The following TMEM181 variants were observed in gnomAD, a reference collection of about 807,000 sequenced individuals.
TMEM181 encodes the protein G protein-coupled receptor 178.
Under a neutral mutation model 71.9 loss-of-function variants are expected in TMEM181, and 39 were observed. That is an observed-to-expected ratio of 0.54 (90% CI 0.42 to 0.71). The LOEUF (loss-of-function observed/expected upper bound fraction) is 0.71. Ranked by LOEUF, TMEM181 falls within the 30% of genes least tolerant of loss-of-function variation. The pLI is 0.00. For missense variants in TMEM181, 595 were observed against 583.0 expected (o/e 1.02, Z -0.21); for synonymous variants, 245 against 228.8 (o/e 1.07, Z -0.64).
In TMEM181 at chr6:158,583,935, TTTG is replaced by T. The variant is rs1200563374; in HGVS notation, c.169-16_169-14del. 1 of 1,581,130 alleles carries T rather than the reference TTTG, an allele frequency of 6.3e-7. No individual in the cohort carries two copies. Among genetic ancestry groups the T allele is most frequent in the East Asian group, 2.3e-5 (1 of 44,390 alleles). On this transcript the variant is annotated splice_polypyrimidine_tract_variant and intron_variant, in intron 3 of 16. Coordinates refer to ENST00000684151, the MANE Select transcript of TMEM181 (RefSeq NM_001376852.1). ...TCAATGAAAAGGTCACATGGATTAC[TTTG>T]TTTTTTTTTCTTCAGCTAAAGCCAA... is the stretch of plus-strand genomic sequence containing the variant.
intron 5 of TMEM181, 126 bp from the exon 6 acceptor site, chr6:158,589,546 T>G: frequency 1.5e-6 from 1 of 676,262 alleles, no homozygotes. Flanking sequence ...TCTCTGGGCT[T>G]TTGGCGAGTT....
At chr6:158,552,428 C>G (rs990661138) in intron 1 of TMEM181, among the ~76,000 whole-genome samples, 1 of 152,166 alleles carries the variant, frequency 6.6e-6, no homozygotes, top group Non-Finnish European at 1.5e-5. Context: ...CACAAGAAAA[C>G]TAATACATTG....
upstream of TMEM181, among the ~76,000 whole-genome samples, chr6:158,558,966 G>T (rs773063647): frequency 3.9e-5 from 6 of 152,118 alleles, no homozygotes; most frequent in Admixed American, 1.3e-4. Flanking sequence ...CTTTCCCTCT[G>T]CTTATGTATG....
chr6:158,631,337 G>C lies in TMEM181; in HGVS notation c.1297G>C (p.Asp433His). 3 of 1,614,252 alleles carry C rather than the reference G, an allele frequency of 1.9e-6. No homozygotes were observed. Among genetic ancestry groups the C allele is most frequent in the Non-Finnish European group, 2.5e-6 (3 of 1,180,046 alleles). The stretch of plus-strand genomic sequence containing the variant: ...TTGGTTTTCAGAGTCCCAGCTGAAA[G>C]ACAATCCTGCCTTCTCCATGCTGAA... ...KNALYESQLKDNPAFSMLNDS... is the reference protein window; with the variant it reads ...KNALYESQLKHNPAFSMLNDS... Residue 433 changes from aspartate to histidine, a missense_variant, in exon 16 of 17, where the codon GAC (aspartate) becomes CAC (histidine). Coordinates refer to ENST00000684151, the MANE Select transcript of TMEM181 (RefSeq NM_001376852.1).
Position 158,608,427 on chromosome 6 carries a change from C to G in TMEM181, c.768C>G (p.Leu256=). 1 of 1,614,242 alleles carries G rather than the reference C, an allele frequency of 6.2e-7. No homozygotes were observed. The highest frequency in any genetic ancestry group is 8.5e-7 in the Non-Finnish European group (1 of 1,180,046). Residue 256 remains leucine (L), a synonymous_variant, in exon 9 of 17, where the codon CTC becomes CTG. Coordinates refer to ENST00000684151, the MANE Select transcript of TMEM181 (RefSeq NM_001376852.1). ...FQSMFLCALL[L]FWLCVYHGIR... ...CCATGTTCCTGTGCGCCCTGCTGCT[C>G]TTCTGGCTGTGCGTGTACCACGGGA...
At position 158,628,896 on chromosome 6, in the gene TMEM181, G is replaced by C. The variant is rs139952166; in HGVS notation, c.1192+406G>C. On this transcript the variant is annotated intron_variant, in intron 14 of 16. Transcript: ENST00000684151. Reference sequence around the variant, plus strand: ...CTACTGCCCTCCAGCAGAGCACTGTGGGGTGGCTGAGGGCTGCCGTGAGCC... The same window carrying C: ...CTACTGCCCTCCAGCAGAGCACTGTCGGGTGGCTGAGGGCTGCCGTGAGCC... Among the ~76,000 whole-genome samples, 246 of 152,350 alleles carry C rather than the reference G, an allele frequency of 1.6e-3. 1 individual carries two copies. Among genetic ancestry groups the C allele is most frequent in the African/African-American group, 5.7e-3 (237 of 41,586 alleles).
At position 158,622,373 on chromosome 6, in the gene TMEM181, A is replaced by G. The variant is rs1786015250; in HGVS notation, c.897-1177A>G. On this transcript the variant is annotated intron_variant, in intron 10 of 16. Transcript: ENST00000684151. ...GGGAATGGTGTAGGCATTGTGACAT[A>G]GGGCTAGGCTGCTCCTGAGCTTCCT... Among the ~76,000 whole-genome samples the G allele has an allele frequency of 2.0e-5, 3 of 152,090 alleles. No individual in the cohort carries two copies. The South Asian group carries it at 6.2e-4, about 32-fold the overall frequency.
upstream of TMEM181, chr6:158,560,023 A>G (rs1484772199): frequency 3.1e-6 from 3 of 983,352 alleles, no homozygotes; most frequent in East Asian, 1.1e-4. Flanking sequence ...CCCCGCTTCC[A>G]CCGCGCCGCG....
chr6:158,572,543 C>G, intron 1 of TMEM181: 1 of 454,066 alleles, frequency 2.2e-6, no homozygotes, highest in East Asian at 7.0e-5. Flanking sequence ...GACTGGGACA[C>G]AGCCATGCTC....
upstream of TMEM181, among the ~76,000 whole-genome samples, chr6:158,555,298 T>C (rs1344255626): frequency 4.6e-5 from 7 of 152,216 alleles, no homozygotes; most frequent in African/African-American, 1.7e-4. Context: ...TGTGAGCCTT[T>C]TATGAAGATT....
chr6:158,606,896 A>G (rs1784987189), intron 7 of TMEM181, among the ~76,000 whole-genome samples: 1 of 152,212 alleles, frequency 6.6e-6, no homozygotes, highest in Non-Finnish European at 1.5e-5. Context: ...TCTCTGGAGC[A>G]GGCCCAGTGG....
In TMEM181 at chr6:158,614,490, T is replaced by A. The variant is rs867874780; in HGVS notation, c.896+5740T>A. Among the ~76,000 whole-genome samples the A allele has an allele frequency of 6.6e-3, 1,003 of 151,284 alleles. 4 individuals carry two copies. Among genetic ancestry groups the A allele is most frequent in the East Asian group, 0.018 (92 of 5,162 alleles). The stretch of plus-strand genomic sequence containing the variant: ...TATAGACAATCCTATTTAAAAAAAA[T>A]TTTTTTTTAATTACACTTTAAGTTC... On this transcript the variant is annotated intron_variant, in intron 10 of 16. Coordinates refer to ENST00000684151, the MANE Select transcript of TMEM181 (RefSeq NM_001376852.1).
chr6:158,593,270 A>G lies in TMEM181; in HGVS notation c.492+3488A>G, dbSNP rs113952869. On this transcript the variant is annotated intron_variant, in intron 6 of 16. Coordinates refer to ENST00000684151, the MANE Select transcript of TMEM181 (RefSeq NM_001376852.1). The stretch of plus-strand genomic sequence containing the variant: ...GTTAATAGGATAGCTAGCACAAACT[A>G]TATATACTGATTTAAGACAAGAAAA... 2.3e-3 allele frequency among the ~76,000 whole-genome samples: 352 copies of G among 152,376 alleles called. 3 individuals are homozygous for G. The highest frequency in any genetic ancestry group is 7.8e-3 in the African/African-American group (326 of 41,600).
intron 1 of TMEM181, among the ~76,000 whole-genome samples, chr6:158,564,081 A>G (rs1006660061): frequency 6.6e-6 from 1 of 152,232 alleles, no homozygotes; most frequent in African/African-American, 2.4e-5. Context: ...CCTGGCTTGT[A>G]CTTAACTCTT....
intron 2 of TMEM181, among the ~76,000 whole-genome samples, chr6:158,577,557 C>T (rs1318885994): frequency 6.6e-6 from 1 of 152,184 alleles, no homozygotes; most frequent in Non-Finnish European, 1.5e-5. Flanking sequence ...CTGAAAACTT[C>T]CCATATTTGG....
intron 1 of TMEM181, among the ~76,000 whole-genome samples, chr6:158,563,266 C>G (rs928425336): frequency 2.6e-5 from 4 of 152,210 alleles, no homozygotes; most frequent in African/African-American, 9.6e-5. Context: ...GCCTCAGCCT[C>G]CTGAGTAGCT....
intron 15 of TMEM181, among the ~76,000 whole-genome samples, chr6:158,630,347 T>C (rs1786590404): frequency 6.6e-6 from 1 of 151,930 alleles, no homozygotes; most frequent in South Asian, 2.1e-4. Context: ...AATTTAAAAA[T>C]TAGACAGGTG....
In TMEM181 at chr6:158,570,333, C is replaced by T. The variant is rs192763070; in HGVS notation, c.9-3087C>T. Among the ~76,000 whole-genome samples, 5 of 150,884 alleles carry T rather than the reference C, an allele frequency of 3.3e-5. No homozygotes were observed. The East Asian group carries it at 9.8e-4, about 30-fold the overall frequency. On this transcript the variant is annotated intron_variant, in intron 1 of 16. Transcript: ENST00000684151. ...ATGCAAGCTCTGCCTCCCGGGTTCA[C>T]ACCGTTCTCCTGCCTCGGCCTCCCG...
intron 6 of TMEM181, among the ~76,000 whole-genome samples, chr6:158,598,847 G>C (rs1348716660): frequency 6.6e-6 from 1 of 151,926 alleles, no homozygotes; most frequent in African/African-American, 2.4e-5. Flanking sequence ...ATAATTTTTT[G>C]TATTTTTAGT....
Sources: allele counts gnomAD v4.1 joint callset (sites outside exome capture counted in the v4.1 genomes callset), GRCh38; gene constraint gnomAD v4.1.1; transcripts MANE v1.5; gene names NCBI Gene and HGNC (gene_info 2026-07-23, HGNC 2026-07-21).